The following ACOT12 variants were observed in gnomAD, a reference collection of about 807,000 sequenced individuals.
ACOT12 encodes the protein acetyl-coenzyme A thioesterase.
ACOT12 carries 51 observed loss-of-function variants against 67.7 expected under a neutral mutation model. That is an observed-to-expected ratio of 0.75 (90% CI 0.60 to 0.95). ACOT12 has a LOEUF of 0.95. ACOT12 is among the 40% of genes least tolerant of loss of function. The probability of loss-of-function intolerance (pLI) is 0.00; values close to 1 mark genes in which losing one functional copy is unlikely to be tolerated. For missense variants in ACOT12, 734 were observed against 708.1 expected, an observed-to-expected ratio of 1.04 and a Z score of -0.41; for synonymous variants, 251 against 244.6, an observed-to-expected ratio of 1.03 and a Z score of -0.24.
the ACOT12 span, chr5:81,311,091 T>G: frequency 1.0e-6 from 1 of 962,984 alleles, no homozygotes; most frequent in Non-Finnish European, 1.7e-6. Flanking sequence ...ATGATCCTGG[T>G]CTAGCTACCT....
chr5:81,385,049 T>C (rs933630956), intron 2 of ACOT12, among the ~76,000 whole-genome samples: 9 of 152,238 alleles, frequency 5.9e-5, no homozygotes, highest in Non-Finnish European at 1.0e-4. Flanking sequence ...TTACTCTCTC[T>C]ACTCAGATGA....
At chr5:81,317,480 C>A in the ACOT12 span, among the ~76,000 whole-genome samples, 4 of 129,596 alleles carry the variant, frequency 3.1e-5, no homozygotes, top group Non-Finnish European at 4.8e-5. Context: ...CCAGCCTGGG[C>A]AAGAAAGCGA....
At chr5:81,326,452 ATTG>A (rs1415821942), downstream of ACOT12, among the ~76,000 whole-genome samples, 1 of 152,120 alleles carries the variant, frequency 6.6e-6, no homozygotes, top group Non-Finnish European at 1.5e-5. Flanking sequence ...TTAGCCTCTT[ATTG>A]TTTTGTGGAT....
intron 10 of ACOT12, among the ~76,000 whole-genome samples, chr5:81,343,605 T>C (rs1244236812): frequency 6.6e-6 from 1 of 152,206 alleles, no homozygotes; most frequent in Non-Finnish European, 1.5e-5. Context: ...AGTCTGCAGT[T>C]TGGGAACTGT....
At chr5:81,326,255 GCTGGGATT>G (rs1758674439), downstream of ACOT12, among the ~76,000 whole-genome samples, 2 of 150,598 alleles carry the variant, frequency 1.3e-5, no homozygotes, top group Admixed American at 6.7e-5. Flanking sequence ...CTTGTGAGTA[GCTGGGATT>G]ACAGGCGCAT....
rs185439994 is a variant in ACOT12 at position 81,379,387 on chromosome 5, G to A, written c.197+6370C>T. 2.4e-3 allele frequency among the ~76,000 whole-genome samples: 366 copies of A among 152,014 alleles called. 1 individual carries two copies. The highest frequency in any genetic ancestry group is 8.6e-3 in the African/African-American group (358 of 41,446). On this transcript the variant is annotated intron_variant, in intron 2 of 14. Coordinates refer to ENST00000307624, the MANE Select transcript of ACOT12 (RefSeq NM_130767.3). ...GGAGAAATACCTAATGTTGATAATG[G>A]GTTGATGGGTGCAGCAAACCACCAT...
rs1759431031 is a variant in ACOT12, at chr5:81,347,884, G to A, written c.543C>T (p.Thr181=). ...EEEGAVSTRG[T]SVQSIELVLP... is the part of the protein sequence containing the mutation. ...GGACCAGTTCAATGCTCTGAACGGAGGTGCCCCTTGTGGAAACCGCTCCTT... is the reference window on the plus strand; with the variant it reads ...GGACCAGTTCAATGCTCTGAACGGAAGTGCCCCTTGTGGAAACCGCTCCTT... The change falls in exon 6 of 15, where the codon ACC becomes ACT. Residue 181 remains threonine (T), a synonymous_variant. Coordinates refer to ENST00000307624, the MANE Select transcript of ACOT12 (RefSeq NM_130767.3). The A allele has an allele frequency of 6.2e-7, 1 of 1,613,976 alleles. No individual in the cohort carries two copies. The highest frequency in any genetic ancestry group is 1.7e-5 in the Admixed American group (1 of 59,978).
the ACOT12 span, among the ~76,000 whole-genome samples, chr5:81,318,949 C>A: frequency 2.6e-5 from 4 of 152,144 alleles, no homozygotes; most frequent in Middle Eastern, 6.8e-3. Context: ...CAATTCCCCA[C>A]CCCCACCTCC....
chr5:81,381,649 A>T (rs1001551872), intron 2 of ACOT12, among the ~76,000 whole-genome samples: 1 of 152,140 alleles, frequency 6.6e-6, no homozygotes, highest in Non-Finnish European at 1.5e-5. Flanking sequence ...AAAATAAATA[A>T]AGCTTACATA....
chr5:81,370,086 T>G (rs372618299), intron 3 of ACOT12, among the ~76,000 whole-genome samples: 20 of 152,208 alleles, frequency 1.3e-4, no homozygotes, highest in East Asian at 7.7e-4. Flanking sequence ...ATTGAGATCA[T>G]CCTGGCCAAC....
downstream of ACOT12, among the ~76,000 whole-genome samples, chr5:81,327,510 T>C (rs1229746435): frequency 4.6e-5 from 7 of 152,184 alleles, no homozygotes; most frequent in Non-Finnish European, 1.0e-4. Context: ...GCACGATCTC[T>C]GCAAACTGCA....
chr5:81,323,413 C>T, the ACOT12 span, among the ~76,000 whole-genome samples: 1,041 of 152,338 alleles, frequency 6.8e-3, 2 homozygotes, highest in Non-Finnish European at 0.011. Context: ...TGTCTCTCTT[C>T]CCTTTCCTGG....
chr5:81,334,541 G>C (rs966443965), intron 12 of ACOT12, among the ~76,000 whole-genome samples: 1 of 152,318 alleles, frequency 6.6e-6, no homozygotes, highest in Non-Finnish European at 1.5e-5. Flanking sequence ...TTCAACTCTA[G>C]CATCTGTGCC....
intron 2 of ACOT12, 144 bp from the exon 3 acceptor site, chr5:81,371,954 G>C: frequency 1.4e-6 from 1 of 694,822 alleles, no homozygotes; most frequent in Non-Finnish European, 2.4e-6. Flanking sequence ...TCAGGTTAAT[G>C]ATAATGGAAA....
At chr5:81,344,043 A>T (rs1369787184) in intron 9 of ACOT12, 117 bp downstream of exon 9, 1 of 1,303,208 alleles carries the variant, frequency 7.7e-7, no homozygotes, top group Non-Finnish European at 1.1e-6. Context: ...TGCGGCCAGG[A>T]AACATCAGAC....
intron 5 of ACOT12, among the ~76,000 whole-genome samples, chr5:81,354,812 T>C (rs1262352889): frequency 6.6e-6 from 1 of 152,098 alleles, no homozygotes; most frequent in Non-Finnish European, 1.5e-5. Flanking sequence ...CAAGCAATTC[T>C]CTTGCCTCAG....
At position 81,342,716 on chromosome 5, in the gene ACOT12, GT is replaced by G; in HGVS notation, c.1083del (p.Lys361AsnfsTer17). On this transcript the variant is annotated frameshift_variant, in exon 11 of 15. Coordinates refer to ENST00000307624, the MANE Select transcript of ACOT12 (RefSeq NM_130767.3). LOFTEE classifies it high-confidence loss of function. Reference protein sequence around the residue: ...LSDSNVEALKKLAAKRGWEVT... With the variant: ...LSDSNVEALKXLAAKRGWEVT... ...ACCTCCCAACCCCTTTTGGCTGCCA[GT>G]TTTTTGAGGGCCTCCACATTGCTGT... 6.2e-7 allele frequency: 1 copy of G among 1,614,168 alleles called. No individual in the cohort carries two copies. The highest frequency in any genetic ancestry group is 8.5e-7 in the Non-Finnish European group (1 of 1,180,030).
the ACOT12 span, chr5:81,312,716 C>T: frequency 7.4e-7 from 1 of 1,348,642 alleles, no homozygotes; most frequent in South Asian, 1.2e-5. Context: ...CTAAACCAGG[C>T]CCGCTTCACG....
chr5:81,351,925 C>T (rs1037532143), intron 5 of ACOT12, among the ~76,000 whole-genome samples: 2 of 152,036 alleles, frequency 1.3e-5, no homozygotes, highest in African/African-American at 4.8e-5. Flanking sequence ...ATCTAATAAT[C>T]TGATTAAAAA....
Sources: allele counts gnomAD v4.1 joint callset (sites outside exome capture counted in the v4.1 genomes callset), GRCh38; gene constraint gnomAD v4.1.1; transcripts MANE v1.5; gene names NCBI Gene and HGNC (gene_info 2026-07-23, HGNC 2026-07-21).